The following PDE1A variants were observed in gnomAD, a reference collection of about 807,000 sequenced individuals.
The protein encoded by PDE1A is phosphodiesterase 1A, also known as dual specificity calcium/calmodulin-dependent 3',5'-cyclic nucleotide phosphodiesterase 1A.
A neutral mutation model predicts 61.7 loss-of-function variants in PDE1A; 35 were observed. The observed-to-expected ratio is 0.57, with a 90% CI of 0.43 to 0.75. The LOEUF is 0.75. Ranked by LOEUF, PDE1A falls within the 30% of genes least tolerant of loss-of-function variation. PDE1A has a pLI of 0.00. For missense variants in PDE1A, 597 were observed against 630.6 expected, an observed-to-expected ratio of 0.95 and a Z score of 0.57; for synonymous variants, 232 against 213.2, an observed-to-expected ratio of 1.09 and a Z score of -0.77.
rs146724424 is a variant in PDE1A at position 182,400,728 on chromosome 2, G to A, written c.53+25850C>T. Reference sequence around the variant, plus strand: ...TACAGTAAGAGGAAGGAGAGACTGGGAAAAATATTAGGAAATCAAGGCCAA... The same window carrying A: ...TACAGTAAGAGGAAGGAGAGACTGGAAAAAATATTAGGAAATCAAGGCCAA... On this transcript the variant is annotated intron_variant, in intron 1 of 13. Coordinates refer to ENST00000351439, the Ensembl canonical transcript of PDE1A. Among the ~76,000 whole-genome samples, 682 of 152,292 alleles carry A rather than the reference G, an allele frequency of 4.5e-3. 3 individuals carry two copies. The highest frequency in any genetic ancestry group is 7.4e-3 in the Non-Finnish European group (501 of 68,012).
At chr2:182,545,022 T>C in the PDE1A span, among the ~76,000 whole-genome samples, 2 of 152,228 alleles carry the variant, frequency 1.3e-5, no homozygotes, top group Admixed American at 1.3e-4. Flanking sequence ...ACTGGAAGTG[T>C]GCTTCTTTTT....
intron 1 of PDE1A, among the ~76,000 whole-genome samples, chr2:182,312,605 T>TA (rs1559326363): frequency 6.6e-6 from 1 of 152,164 alleles, no homozygotes; most frequent in Non-Finnish European, 1.5e-5. Context: ...GTGTAAAAAA[T>TA]AGATTGTCCA....
At chr2:182,450,556 TA>T (rs36059127) in intron 2 of PDE1A, among the ~76,000 whole-genome samples, 133 of 148,440 alleles carry the variant, frequency 9.0e-4, no homozygotes, top group African/African-American at 2.9e-3. Flanking sequence ...AATGTTTTCA[TA>T]AAAAAAAAAA....
chr2:182,644,158 C>CACACACACACACAG, the PDE1A span, among the ~76,000 whole-genome samples: 22 of 150,744 alleles, frequency 1.5e-4, no homozygotes, highest in South Asian at 4.7e-3. Flanking sequence ...CACACACACA[C>CACACACACACACAG]AGAGCCTTGT....
At chr2:182,294,982 G>A (rs891194125) in intron 1 of PDE1A, among the ~76,000 whole-genome samples, 2 of 148,968 alleles carry the variant, frequency 1.3e-5, no homozygotes, top group Admixed American at 6.7e-5. Flanking sequence ...CCAGTTTTCC[G>A]CAGCTAATTT....
chr2:182,324,739 C>A (rs1291664644), intron 1 of PDE1A, among the ~76,000 whole-genome samples: 1 of 152,010 alleles, frequency 6.6e-6, no homozygotes, highest in Non-Finnish European at 1.5e-5. Context: ...TTTTTGTTCC[C>A]CCAGCATAGA....
the PDE1A span, among the ~76,000 whole-genome samples, chr2:182,706,910 T>C: frequency 8.0e-4 from 122 of 152,322 alleles, no homozygotes; most frequent in African/African-American, 2.9e-3. Context: ...AAAGTAAAAC[T>C]GGCAGTGAAA....
intron 7 of PDE1A, among the ~76,000 whole-genome samples, chr2:182,211,634 C>T (rs1687609908): frequency 1.3e-5 from 2 of 152,158 alleles, no homozygotes; most frequent in African/African-American, 4.8e-5. Context: ...AATTTTGAGT[C>T]TATCTATGAA....
At chr2:182,403,683 AG>A (rs1702144354) in intron 1 of PDE1A, among the ~76,000 whole-genome samples, 1 of 152,000 alleles carries the variant, frequency 6.6e-6, no homozygotes, top group South Asian at 2.1e-4. Flanking sequence ...TGTCCTTTGC[AG>A]GGACATGGGT....
At chr2:182,471,654 T>A (rs1687036929) in intron 2 of PDE1A, among the ~76,000 whole-genome samples, 2 of 151,836 alleles carry the variant, frequency 1.3e-5, no homozygotes, top group South Asian at 4.1e-4. Flanking sequence ...TTTTAAGAAT[T>A]TTTTTGTAGA....
intron 1 of PDE1A, among the ~76,000 whole-genome samples, chr2:182,357,334 G>A (rs572202493): frequency 6.6e-6 from 1 of 152,072 alleles, no homozygotes; most frequent in African/African-American, 2.4e-5. Flanking sequence ...CCAGAAGGGA[G>A]AGAGAATAGG....
chr2:182,626,810 T>C, the PDE1A span, among the ~76,000 whole-genome samples: 2 of 40,156 alleles, frequency 5.0e-5, 1 homozygote, highest in African/African-American at 1.7e-4. Flanking sequence ...TACATATATA[T>C]ATACATATAT....
chr2:182,642,784 T>C, the PDE1A span, among the ~76,000 whole-genome samples: 2 of 152,198 alleles, frequency 1.3e-5, no homozygotes, highest in African/African-American at 4.8e-5. Flanking sequence ...CATCATCTCA[T>C]TTTAGAACCC....
At chr2:182,278,627 T>G (rs942419114) in intron 1 of PDE1A, among the ~76,000 whole-genome samples, 3 of 151,966 alleles carry the variant, frequency 2.0e-5, no homozygotes, top group African/African-American at 7.2e-5. Flanking sequence ...ACTTCAAAAT[T>G]ACATGGATAC....
chr2:182,284,889 T>G (rs976845050), intron 1 of PDE1A, among the ~76,000 whole-genome samples: 1 of 152,142 alleles, frequency 6.6e-6, no homozygotes, highest in Non-Finnish European at 1.5e-5. Flanking sequence ...TTATCTTCAT[T>G]TCATGATGAG....
chr2:182,239,527 G>A (rs1690330691), intron 3 of PDE1A, among the ~76,000 whole-genome samples: 1 of 151,884 alleles, frequency 6.6e-6, no homozygotes, highest in South Asian at 2.1e-4. Flanking sequence ...ATTAGCATGT[G>A]TTTCACATTG....
the PDE1A span, among the ~76,000 whole-genome samples, chr2:182,700,735 A>AAAAAAAAAAAAAAAAAAAAAAAAAAAG: frequency 7.0e-6 from 1 of 143,652 alleles, no homozygotes; most frequent in Non-Finnish European, 1.5e-5. Flanking sequence ...AAAAAAAAAA[A>AAAAAAAAAAAAAAAAAAAAAAAAAAAG]AAAAACAGAA....
At chr2:182,162,259 G>A (rs1297132959) in intron 13 of PDE1A, among the ~76,000 whole-genome samples, 4 of 152,102 alleles carry the variant, frequency 2.6e-5, no homozygotes, top group Non-Finnish European at 5.9e-5. Context: ...CCAAGCGATG[G>A]CACTCAAATG....
chr2:182,273,299 A>G (rs536692177), intron 1 of PDE1A, among the ~76,000 whole-genome samples: 1 of 152,200 alleles, frequency 6.6e-6, no homozygotes, highest in African/African-American at 2.4e-5. Context: ...ATCACTGACC[A>G]TGACAAATTT....
Sources: allele counts gnomAD v4.1 joint callset (sites outside exome capture counted in the v4.1 genomes callset), GRCh38; gene constraint gnomAD v4.1.1; transcripts MANE v1.5; gene names NCBI Gene and HGNC (gene_info 2026-07-23, HGNC 2026-07-21).